Variants in IL1RAPL2 observed in about 807,000 individuals in gnomAD.
The protein encoded by IL1RAPL2 is interleukin 1 receptor accessory protein like 2, also known as X-linked interleukin-1 receptor accessory protein-like 2.
IL1RAPL2 carries 3 observed loss-of-function variants against 44.1 expected under a neutral mutation model. The ratio of observed to expected loss-of-function variants is 0.07; its 90% CI spans 0.03 to 0.18. The LOEUF (loss-of-function observed/expected upper bound fraction) is 0.18. IL1RAPL2 is among the 10% of genes least tolerant of loss of function. The pLI, the probability that IL1RAPL2 is intolerant of heterozygous loss-of-function variation, is 1.00. For synonymous variants in IL1RAPL2, 181 were observed against 178.8 expected, an observed-to-expected ratio of 1.01 and a Z score of -0.10; for missense variants, 391 against 496.4, an observed-to-expected ratio of 0.79 and a Z score of 2.02.
At chrX:105,443,589 T>A (rs1367901258) in intron 5 of IL1RAPL2, among the ~76,000 whole-genome samples, 1 of 112,085 alleles carries the variant, frequency 8.9e-6, no homozygotes, top group Non-Finnish European at 1.9e-5. Flanking sequence ...CACAAATGAG[T>A]GGAACATATG....
chrX:104,822,701 C>G (rs1921335261), intron 2 of IL1RAPL2, among the ~76,000 whole-genome samples: 1 of 111,888 alleles, frequency 8.9e-6, no homozygotes, highest in Non-Finnish European at 1.9e-5. Context: ...ATGCCTCCAG[C>G]TTTGTTCTTT....
intron 2 of IL1RAPL2, among the ~76,000 whole-genome samples, chrX:104,687,156 C>T (rs1170028045): frequency 1.8e-5 from 2 of 112,162 alleles, no homozygotes. Context: ...ATTTTTTCTC[C>T]TGTCTTAGTC....
chrX:105,325,140 A>G (rs1363772039), intron 5 of IL1RAPL2, among the ~76,000 whole-genome samples: 1 of 111,322 alleles, frequency 9.0e-6, no homozygotes, highest in Non-Finnish European at 1.9e-5. Context: ...TGTTATTACC[A>G]CAGCCCAATT....
At chrX:104,707,479 T>A (rs1364572059) in intron 2 of IL1RAPL2, among the ~76,000 whole-genome samples, 3 of 112,132 alleles carry the variant, frequency 2.7e-5, no homozygotes, top group African/African-American at 9.7e-5. Flanking sequence ...AGGTGTTTCC[T>A]TGCCTTCTTC....
At chrX:105,052,003 A>G (rs2031933771) in intron 2 of IL1RAPL2, among the ~76,000 whole-genome samples, 1 of 112,546 alleles carries the variant, frequency 8.9e-6, no homozygotes. Context: ...TTTTGAAGAA[A>G]TAAAGGGACA....
At chrX:105,002,327 G>C (rs1419369893) in intron 2 of IL1RAPL2, among the ~76,000 whole-genome samples, 1 of 110,926 alleles carries the variant, frequency 9.0e-6, no homozygotes, top group African/African-American at 3.3e-5. Context: ...GCCTGACAAA[G>C]AAGGAGAATG....
At position 104,733,604 on chromosome X, in the gene IL1RAPL2, C is replaced by G. The variant is rs191558757; in HGVS notation, c.82+74609C>G. ...CACTGCATTCCAGCCTGAGTGACAG[C>G]GAGACTCTGTCTCAAAATAATAATA... On this transcript the variant is annotated intron_variant, in intron 2 of 10. Coordinates refer to ENST00000372582, the MANE Select transcript of IL1RAPL2 (RefSeq NM_017416.2). 5.3e-3 allele frequency among the ~76,000 whole-genome samples: 500 copies of G among 95,037 alleles called. 2 individuals are homozygous for G. Among genetic ancestry groups the G allele is most frequent in the Middle Eastern group, 0.051 (10 of 195 alleles). The allele number at this position is 95,037 out of a possible 115,157, so 82.5% of individuals were successfully genotyped here.
chrX:104,800,476 T>C (rs1214101196), intron 2 of IL1RAPL2, among the ~76,000 whole-genome samples: 1 of 111,975 alleles, frequency 8.9e-6, no homozygotes, highest in Non-Finnish European at 1.9e-5. Context: ...ACTGTGTGCA[T>C]ACCAAAATAA....
chrX:105,184,218 T>C (rs2033562045), intron 2 of IL1RAPL2, among the ~76,000 whole-genome samples: 1 of 111,715 alleles, frequency 9.0e-6, no homozygotes, highest in South Asian at 3.7e-4. Flanking sequence ...AAATTCAGCA[T>C]TCTCTCTTAG....
intron 2 of IL1RAPL2, among the ~76,000 whole-genome samples, chrX:104,937,382 G>A (rs778772720): frequency 2.7e-5 from 3 of 112,083 alleles, no homozygotes; most frequent in Non-Finnish European, 3.8e-5. Flanking sequence ...TATCTTCCAC[G>A]CTGTGACCTT....
At chrX:104,882,724 G>T (rs764351857) in intron 2 of IL1RAPL2, among the ~76,000 whole-genome samples, 3 of 111,823 alleles carry the variant, frequency 2.7e-5, no homozygotes, top group Non-Finnish European at 5.6e-5. Context: ...GTGGCAACCT[G>T]CTTGGGTCCC....
At position 104,566,873 on chromosome X, in the gene IL1RAPL2, G is replaced by A. The variant is rs1219187023; in HGVS notation, c.-198G>A. The A allele has an allele frequency of 8.9e-6, 1 of 112,677 alleles. No individual in the cohort carries two copies. Among genetic ancestry groups the A allele is most frequent in the Non-Finnish European group, 1.9e-5 (1 of 53,332 alleles). The allele number at this position is 112,677 out of a possible 1,213,427, so 9.3% of individuals were successfully genotyped here. ...GACAGGGAGTGGAAAAAACAGGCGG[G>A]GCTGTACTGTCCGCTGTTTGGGGAG... is the stretch of plus-strand genomic sequence containing the variant. On this transcript the variant is annotated 5_prime_UTR_variant, in exon 1 of 11. Coordinates refer to ENST00000372582, the MANE Select transcript of IL1RAPL2 (RefSeq NM_017416.2).
At chrX:104,853,748 A>G (rs1187994390) in intron 2 of IL1RAPL2, among the ~76,000 whole-genome samples, 1 of 108,130 alleles carries the variant, frequency 9.2e-6, no homozygotes, top group Non-Finnish European at 1.9e-5. Flanking sequence ...CTAAAAATAC[A>G]AAACATTAGC....
At chrX:105,289,727 T>A (rs1425166241) in intron 5 of IL1RAPL2, among the ~76,000 whole-genome samples, 1 of 111,351 alleles carries the variant, frequency 9.0e-6, no homozygotes, top group Admixed American at 9.6e-5. Flanking sequence ...GACATCTAAG[T>A]AGAAATGTTG....
At chrX:105,570,114 G>A (rs2037003988) in intron 6 of IL1RAPL2, among the ~76,000 whole-genome samples, 2 of 110,842 alleles carry the variant, frequency 1.8e-5, no homozygotes, top group East Asian at 2.8e-4. Flanking sequence ...TTTATCCCTC[G>A]CTCCTCTCCC....
At chrX:104,668,364 T>C (rs762498800) in intron 2 of IL1RAPL2, among the ~76,000 whole-genome samples, 23 of 107,797 alleles carry the variant, frequency 2.1e-4, no homozygotes, top group African/African-American at 7.1e-4. Context: ...TTAGGGTACA[T>C]GTGCACAATG....
chrX:105,679,042 T>TA (rs1310444020), intron 6 of IL1RAPL2, among the ~76,000 whole-genome samples: 2 of 108,856 alleles, frequency 1.8e-5, no homozygotes, highest in East Asian at 2.9e-4. Flanking sequence ...TTTTTTTTTT[T>TA]ACTATCATGT....
In IL1RAPL2 at chrX:105,104,686, G is replaced by A. The variant is rs558587582; in HGVS notation, c.83-90789G>A. 2.5e-3 allele frequency among the ~76,000 whole-genome samples: 283 copies of A among 112,001 alleles called. 2 individuals are homozygous for A. Among genetic ancestry groups the A allele is most frequent in the Middle Eastern group, 0.019 (4 of 215 alleles). ...CAAACATTTATTGATTAGTCACTCT[G>A]AGCTGTATTGGGGCCTCAGTCTACA... is the stretch of plus-strand genomic sequence containing the variant. On this transcript the variant is annotated intron_variant, in intron 2 of 10. Coordinates refer to ENST00000372582, the MANE Select transcript of IL1RAPL2 (RefSeq NM_017416.2).
In IL1RAPL2 at chrX:104,943,926, T is replaced by C. The variant is rs73531395; in HGVS notation, c.83-251549T>C. Reference sequence around the variant, plus strand: ...GCACAGGATTAGCACTCAATAAATATTTGTTCAATAAACAAATAATACTAT... The same window carrying C: ...GCACAGGATTAGCACTCAATAAATACTTGTTCAATAAACAAATAATACTAT... On this transcript the variant is annotated intron_variant, in intron 2 of 10. Transcript: ENST00000372582. 2.9e-3 allele frequency among the ~76,000 whole-genome samples: 329 copies of C among 112,199 alleles called. 2 individuals are homozygous for C. Among genetic ancestry groups the C allele is most frequent in the African/African-American group, 0.01 (312 of 30,952 alleles).
Sources: allele counts gnomAD v4.1 joint callset (sites outside exome capture counted in the v4.1 genomes callset), GRCh38; gene constraint gnomAD v4.1.1; transcripts MANE v1.5; gene names NCBI Gene and HGNC (gene_info 2026-07-23, HGNC 2026-07-21).